The following STX8 variants were observed in gnomAD, a reference collection of about 807,000 sequenced individuals.
The protein encoded by STX8 is syntaxin 8, also known as syntaxin-8.
In STX8, 23 loss-of-function variants were observed where a neutral mutation model predicts 37.5. The ratio of observed to expected loss-of-function variants is 0.61; its 90% CI spans 0.44 to 0.87. The LOEUF (loss-of-function observed/expected upper bound fraction) is 0.87. Ranked by LOEUF, STX8 falls within the 40% of genes least tolerant of loss-of-function variation. The pLI is 0.00. For synonymous variants in STX8, 115 were observed against 99.1 expected (o/e 1.16, Z -0.95); for missense variants, 313 against 284.7 (o/e 1.10, Z -0.71).
At chr17:9,284,156 A>T (rs555610969) in intron 7 of STX8, among the ~76,000 whole-genome samples, 3 of 152,140 alleles carry the variant, frequency 2.0e-5, no homozygotes, top group Non-Finnish European at 4.4e-5. Flanking sequence ...AGTTAACTTA[A>T]TTTTTCCATC....
At chr17:9,346,295 A>G (rs553015403) in intron 7 of STX8, among the ~76,000 whole-genome samples, 162 of 151,992 alleles carry the variant, frequency 1.1e-3, no homozygotes, top group Non-Finnish European at 1.9e-3. Context: ...TCCTCTCTCA[A>G]CTTTTATATT....
chr17:9,450,412 A>G (rs1905003063), intron 6 of STX8, among the ~76,000 whole-genome samples: 2 of 151,878 alleles, frequency 1.3e-5, no homozygotes, highest in African/African-American at 4.9e-5. Context: ...CTCACACTAA[A>G]AAAGGTAGTA....
intron 4 of STX8, among the ~76,000 whole-genome samples, chr17:9,538,335 A>G (rs1467222510): frequency 6.6e-6 from 1 of 152,196 alleles, no homozygotes; most frequent in Admixed American, 6.5e-5. Flanking sequence ...TCACGTGGTA[A>G]CAACATTAAG....
intron 3 of STX8, among the ~76,000 whole-genome samples, chr17:9,546,406 A>C (rs577148440): frequency 0.028 from 4,210 of 151,362 alleles, 187 homozygotes; most frequent in African/African-American, 0.096. Flanking sequence ...AAAACCAAAC[A>C]ACCATCCTTC....
intron 7 of STX8, among the ~76,000 whole-genome samples, chr17:9,265,227 T>C (rs1000554435): frequency 2.6e-5 from 4 of 151,906 alleles, no homozygotes; most frequent in African/African-American, 7.3e-5. Context: ...ATTAATACTA[T>C]AGATGTCCTA....
intron 3 of STX8, among the ~76,000 whole-genome samples, chr17:9,546,442 A>G (rs1044588057): frequency 4.1e-5 from 6 of 148,102 alleles, no homozygotes; most frequent in African/African-American, 1.5e-4. Flanking sequence ...TTGGAAAGAA[A>G]CCTACAATTC....
intron 5 of STX8, among the ~76,000 whole-genome samples, chr17:9,494,164 C>T (rs879857316): frequency 1.3e-5 from 2 of 151,608 alleles, no homozygotes; most frequent in Non-Finnish European, 2.9e-5. Context: ...TACAGGCGCC[C>T]GCCACCACGC....
intron 7 of STX8, among the ~76,000 whole-genome samples, chr17:9,284,609 A>C (rs962534582): frequency 9.9e-5 from 15 of 152,184 alleles, no homozygotes; most frequent in African/African-American, 3.6e-4. Flanking sequence ...TTTTCTTTAA[A>C]AGTGTATAAA....
chr17:9,530,136 T>C (rs1389867360), intron 4 of STX8, among the ~76,000 whole-genome samples: 1 of 151,896 alleles, frequency 6.6e-6, no homozygotes, highest in African/African-American at 2.4e-5. Context: ...TGAAACCCCG[T>C]TTCTACTAAA....
At chr17:9,452,686 C>G (rs987244690) in intron 6 of STX8, among the ~76,000 whole-genome samples, 3 of 152,118 alleles carry the variant, frequency 2.0e-5, no homozygotes, top group Non-Finnish European at 4.4e-5. Context: ...GAAAGGTTGT[C>G]ACATGACGGG....
At chr17:9,335,042 C>T (rs750911995) in intron 7 of STX8, among the ~76,000 whole-genome samples, 1 of 152,192 alleles carries the variant, frequency 6.6e-6, no homozygotes, top group African/African-American at 2.4e-5. Flanking sequence ...CACCCCTGGT[C>T]ACCTGCTCTG....
intron 5 of STX8, among the ~76,000 whole-genome samples, chr17:9,498,781 G>A (rs1458869298): frequency 6.6e-6 from 1 of 152,182 alleles, no homozygotes; most frequent in East Asian, 1.9e-4. Flanking sequence ...TGAAGCTGAT[G>A]AAGAAACCCC....
intron 6 of STX8, among the ~76,000 whole-genome samples, chr17:9,436,528 G>A (rs1904439182): frequency 6.6e-6 from 1 of 152,144 alleles, no homozygotes; most frequent in Non-Finnish European, 1.5e-5. Flanking sequence ...AAATACTGGT[G>A]AGGGTAAGAT....
chr17:9,435,507 G>A (rs1026175695), intron 6 of STX8, among the ~76,000 whole-genome samples: 1 of 152,076 alleles, frequency 6.6e-6, no homozygotes, highest in African/African-American at 2.4e-5. Context: ...TTACTTATCT[G>A]GATTGTGAAA....
In STX8 at chr17:9,494,008, GTTTTT is replaced by G. The variant is rs1330752966; in HGVS notation, c.449-2092_449-2088del. Among the ~76,000 whole-genome samples the G allele has an allele frequency of 2.3e-4, 4 of 17,740 alleles. No homozygotes were observed. The South Asian group carries it at 0.01, about 45-fold the overall frequency. 11.6% of individuals were successfully genotyped at this position (17,740 alleles called of 152,430 possible). On this transcript the variant is annotated intron_variant, in intron 5 of 7. Transcript: ENST00000306357. ...CATATGTTTTGTTTTTTTTTGTTTT[GTTTTT>G]TTGTTGTTGTTGTTGTTTTTGAGAT...
rs539972111 is a variant in STX8 at position 9,420,118 on chromosome 17, A to G, written c.542-41465T>C. Among the ~76,000 whole-genome samples, 3 of 152,330 alleles carry G rather than the reference A, an allele frequency of 2.0e-5. No homozygotes were observed. In the South Asian group the frequency reaches 6.2e-4, roughly 32 times the overall value. On this transcript the variant is annotated intron_variant, in intron 6 of 7. Coordinates refer to ENST00000306357, the MANE Select transcript of STX8 (RefSeq NM_004853.3). ...ACAACATTCTTGGTGAAAAATTAGA[A>G]AAGCATGAGCTCAATGTGTATTCTT...
At chr17:9,546,856 CA>C (rs1419461880) in intron 3 of STX8, among the ~76,000 whole-genome samples, 12 of 150,098 alleles carry the variant, frequency 8.0e-5, no homozygotes. Context: ...CTCAGCCTCC[CA>C]AAGTGCTGGG....
chr17:9,327,167 AAAAG>A (rs1260532402), intron 7 of STX8, among the ~76,000 whole-genome samples: 83 of 151,370 alleles, frequency 5.5e-4, no homozygotes, highest in African/African-American at 1.8e-3. Flanking sequence ...CAAAAAAAAA[AAAAG>A]AAGAAGAAGA....
intron 7 of STX8, among the ~76,000 whole-genome samples, chr17:9,254,401 T>C (rs1273866013): frequency 6.6e-6 from 1 of 152,106 alleles, no homozygotes; most frequent in Non-Finnish European, 1.5e-5. Flanking sequence ...GTAACTCTTA[T>C]TAAATCTTTT....
Sources: allele counts gnomAD v4.1 joint callset (sites outside exome capture counted in the v4.1 genomes callset), GRCh38; gene constraint gnomAD v4.1.1; transcripts MANE v1.5; gene names NCBI Gene and HGNC (gene_info 2026-07-23, HGNC 2026-07-21).